DNER: variants seen among roughly 807,000 people sequenced by gnomAD.
DNER encodes delta and Notch-like epidermal growth factor-related receptor.
A neutral mutation model predicts 78.2 loss-of-function variants in DNER; 33 were observed. That is an observed-to-expected ratio of 0.42 (90% CI 0.32 to 0.56). The LOEUF is 0.56. DNER is among the 20% of genes least tolerant of loss of function. The probability of loss-of-function intolerance (pLI) is 0.11; values close to 1 mark genes in which losing one functional copy is unlikely to be tolerated. For missense variants in DNER, 918 were observed against 975.3 expected (o/e 0.94, Z 0.78); for synonymous variants, 417 against 384.8 (o/e 1.08, Z -0.98).
intron 4 of DNER, among the ~76,000 whole-genome samples, chr2:229,562,627 A>G (rs894738584): frequency 1.2e-4 from 18 of 152,048 alleles, no homozygotes; most frequent in African/African-American, 4.1e-4. Context: ...TCCTGTGCTG[A>G]CACAAGGGTA....
intron 6 of DNER, among the ~76,000 whole-genome samples, chr2:229,499,741 C>T (rs1278262130): frequency 2.6e-5 from 4 of 151,932 alleles, no homozygotes; most frequent in Non-Finnish European, 5.9e-5. Flanking sequence ...AACTAAAAAG[C>T]TTCTGCATGG....
chr2:229,464,481 A>T (rs1694763260), intron 7 of DNER, among the ~76,000 whole-genome samples: 1 of 152,180 alleles, frequency 6.6e-6, no homozygotes, highest in South Asian at 2.1e-4. Context: ...ATAGAAGGGC[A>T]TAAGAGATAA....
At chr2:229,621,646 C>T (rs73107359) in intron 1 of DNER, among the ~76,000 whole-genome samples, 3,523 of 151,780 alleles carry the variant, frequency 0.023, 121 homozygotes, top group African/African-American at 0.082. Flanking sequence ...ATATTTCCCA[C>T]ACTTCCCACA....
At chr2:229,415,617 C>T (rs1208142440) in intron 9 of DNER, among the ~76,000 whole-genome samples, 1 of 152,182 alleles carries the variant, frequency 6.6e-6, no homozygotes, top group Non-Finnish European at 1.5e-5. Context: ...ACATCTCTTC[C>T]TTCCATTCTC....
chr2:229,588,362 T>G (rs777708056), intron 3 of DNER, 32 bp downstream of exon 3: 2 of 1,605,230 alleles, frequency 1.2e-6, no homozygotes, highest in Non-Finnish European at 1.7e-6. Context: ...ATAGCATCAC[T>G]CTTAACAGTT....
At chr2:229,531,845 C>T (rs1418309852) in intron 5 of DNER, among the ~76,000 whole-genome samples, 2 of 152,162 alleles carry the variant, frequency 1.3e-5, no homozygotes, top group African/African-American at 2.4e-5. Flanking sequence ...AGTACTCATA[C>T]ATGCTACAAT....
chr2:229,533,822 T>A (rs1357271709), intron 5 of DNER, among the ~76,000 whole-genome samples: 1 of 152,162 alleles, frequency 6.6e-6, no homozygotes, highest in Non-Finnish European at 1.5e-5. Flanking sequence ...TAAGCAAGAG[T>A]TTTTGTTATC....
intron 1 of DNER, among the ~76,000 whole-genome samples, chr2:229,660,132 AT>A (rs1330850198): frequency 6.6e-6 from 1 of 152,120 alleles, no homozygotes; most frequent in African/African-American, 2.4e-5. Flanking sequence ...GTGACTGAGA[AT>A]TTTTTTAAGT....
chr2:229,710,456 T>G (rs920708523), intron 1 of DNER, among the ~76,000 whole-genome samples: 1 of 152,150 alleles, frequency 6.6e-6, no homozygotes, highest in Non-Finnish European at 1.5e-5. Context: ...TTTTCTGTAC[T>G]TCATCTATAA....
At chr2:229,621,375 G>A (rs1698248541) in intron 1 of DNER, among the ~76,000 whole-genome samples, 1 of 152,144 alleles carries the variant, frequency 6.6e-6, no homozygotes, top group African/African-American at 2.4e-5. Context: ...CCAAATGAAA[G>A]TGTCATATGA....
At chr2:229,637,041 G>A (rs1559190943) in intron 1 of DNER, among the ~76,000 whole-genome samples, 1 of 152,184 alleles carries the variant, frequency 6.6e-6, no homozygotes, top group Non-Finnish European at 1.5e-5. Flanking sequence ...CTATTCAAGT[G>A]AGAAACTTCT....
chr2:229,652,713 A>C (rs1382717372), intron 1 of DNER, among the ~76,000 whole-genome samples: 1 of 152,188 alleles, frequency 6.6e-6, no homozygotes, highest in Non-Finnish European at 1.5e-5. Context: ...GCAAAAAATC[A>C]ATTTTTTTCA....
intron 9 of DNER, among the ~76,000 whole-genome samples, chr2:229,408,761 T>A (rs139710107): frequency 2.2e-3 from 329 of 152,292 alleles, no homozygotes; most frequent in African/African-American, 7.5e-3. Context: ...GAACTTCCTA[T>A]CTATATTCAC....
At chr2:229,568,849 A>G (rs537198358) in intron 4 of DNER, among the ~76,000 whole-genome samples, 1 of 152,196 alleles carries the variant, frequency 6.6e-6, no homozygotes, top group Non-Finnish European at 1.5e-5. Flanking sequence ...GGCATGAGCC[A>G]CCACACCTGG....
intron 1 of DNER, among the ~76,000 whole-genome samples, chr2:229,688,158 G>C (rs1309169427): frequency 6.6e-6 from 1 of 152,210 alleles, no homozygotes; most frequent in African/African-American, 2.4e-5. Context: ...ACACCAAACG[G>C]ACCTTCCTGG....
At chr2:229,435,513 C>T (rs933099917) in intron 8 of DNER, among the ~76,000 whole-genome samples, 6 of 152,170 alleles carry the variant, frequency 3.9e-5, no homozygotes, top group African/African-American at 1.4e-4. Flanking sequence ...GGTACAATGT[C>T]TAACTTAAAT....
chr2:229,436,729 T>C lies in DNER; in HGVS notation c.1486+10587A>G, dbSNP rs117569669. Among the ~76,000 whole-genome samples the C allele has an allele frequency of 6.3e-4, 96 of 152,320 alleles. 1 individual carries two copies. The East Asian group carries it at 0.018, about 29-fold the overall frequency. ...ATAAGCAAAGGAGAAATAAGATGCT[T>C]TTTGAACAAGCAAATGTTAGGGGAA... On this transcript the variant is annotated intron_variant, in intron 8 of 12. Transcript: ENST00000341772.
chr2:229,385,568 A>C (rs1692845503), intron 11 of DNER, among the ~76,000 whole-genome samples: 1 of 152,198 alleles, frequency 6.6e-6, no homozygotes, highest in Non-Finnish European at 1.5e-5. Flanking sequence ...TATATTTAGA[A>C]AGCCCCATTG....
intron 4 of DNER, among the ~76,000 whole-genome samples, chr2:229,583,572 A>C (rs1388462905): frequency 6.6e-6 from 1 of 152,234 alleles, no homozygotes; most frequent in Non-Finnish European, 1.5e-5. Context: ...AATGCTAAAT[A>C]AGTATCTTCT....
Sources: gnomAD v4.1 joint callset for allele counts (sites outside exome capture counted in the v4.1 genomes callset) on GRCh38, gnomAD v4.1.1 for gene constraint, MANE v1.5 for transcripts, NCBI Gene and HGNC (gene_info 2026-07-23, HGNC 2026-07-21) for gene names.